The following ARHGAP15 variants were observed in gnomAD, a reference collection of about 807,000 sequenced individuals.
ARHGAP15 encodes the protein rho GTPase-activating protein 15.
In ARHGAP15, 51 loss-of-function variants were observed where a neutral mutation model predicts 63.7. That is an observed-to-expected ratio of 0.80 (90% CI 0.64 to 1.01). The LOEUF (loss-of-function observed/expected upper bound fraction) is 1.01. Ranked by LOEUF, ARHGAP15 falls within the 50% of genes least tolerant of loss-of-function variation. ARHGAP15 has a pLI of 0.00. For missense variants in ARHGAP15, 560 were observed against 564.6 expected, an observed-to-expected ratio of 0.99 and a Z score of 0.08; for synonymous variants, 191 against 193.8, an observed-to-expected ratio of 0.99 and a Z score of 0.12.
intron 5 of ARHGAP15, among the ~76,000 whole-genome samples, chr2:143,240,115 G>A (rs181988809): frequency 1.3e-4 from 19 of 149,826 alleles, no homozygotes; most frequent in African/African-American, 2.4e-4. Context: ...GTTTGAGGCC[G>A]CAGTGAGCTA....
chr2:143,688,914 G>C (rs902811455), intron 12 of ARHGAP15, among the ~76,000 whole-genome samples: 2 of 152,096 alleles, frequency 1.3e-5, no homozygotes, highest in East Asian at 1.9e-4. Flanking sequence ...AATATATCAA[G>C]ATAGTATACC....
chr2:143,745,478 C>A (rs906614168), intron 13 of ARHGAP15, among the ~76,000 whole-genome samples: 1 of 152,164 alleles, frequency 6.6e-6, no homozygotes, highest in Non-Finnish European at 1.5e-5. Flanking sequence ...TATAGACACA[C>A]CCTCATGCTT....
At chr2:143,139,608 T>A (rs1184737369) in intron 1 of ARHGAP15, among the ~76,000 whole-genome samples, 1 of 152,140 alleles carries the variant, frequency 6.6e-6, no homozygotes, top group Non-Finnish European at 1.5e-5. Context: ...GTTATTTTAC[T>A]TGGTAATTCT....
intron 6 of ARHGAP15, among the ~76,000 whole-genome samples, chr2:143,262,624 C>T (rs1680785949): frequency 6.8e-6 from 1 of 146,792 alleles, no homozygotes; most frequent in African/African-American, 2.5e-5. Flanking sequence ...AGATGTACCA[C>T]AAGACATCTC....
In ARHGAP15 at chr2:143,170,048, G is replaced by A. The variant is rs547398137; in HGVS notation, c.165+14393G>A. On this transcript the variant is annotated intron_variant, in intron 2 of 13. Transcript: ENST00000295095. Reference sequence around the variant, plus strand: ...TTGTCAGGCCTGGCTCTGTACCTTCGAGCTGCTCTGTGTGCCTCACTCTGC... The same window carrying A: ...TTGTCAGGCCTGGCTCTGTACCTTCAAGCTGCTCTGTGTGCCTCACTCTGC... Among the ~76,000 whole-genome samples, 114 of 150,326 alleles carry A rather than the reference G, an allele frequency of 7.6e-4. 1 individual carries two copies. The highest frequency in any genetic ancestry group is 2.5e-3 in the African/African-American group (105 of 41,362).
At chr2:143,233,120 C>T (rs72851537) in intron 5 of ARHGAP15, among the ~76,000 whole-genome samples, 5,693 of 152,168 alleles carry the variant, frequency 0.037, 157 homozygotes, top group Non-Finnish European at 0.056. Flanking sequence ...TTTAATATCA[C>T]CAGACATTAT....
intron 6 of ARHGAP15, among the ~76,000 whole-genome samples, chr2:143,337,971 C>A (rs138706588): frequency 4.2e-4 from 64 of 152,268 alleles, no homozygotes; most frequent in African/African-American, 1.5e-3. Flanking sequence ...AGGCATTACT[C>A]CTCCCTTTCA....
intron 11 of ARHGAP15, among the ~76,000 whole-genome samples, chr2:143,608,972 G>C (rs1268040847): frequency 6.6e-6 from 1 of 152,146 alleles, no homozygotes; most frequent in Non-Finnish European, 1.5e-5. Context: ...CTTGTCAATT[G>C]CTTTGTTGTG....
intron 12 of ARHGAP15, among the ~76,000 whole-genome samples, chr2:143,634,949 TC>T (rs1680228566): frequency 6.6e-6 from 1 of 152,058 alleles, no homozygotes; most frequent in Non-Finnish European, 1.5e-5. Context: ...TCTGTGATGT[TC>T]ACGGTGGCAC....
intron 6 of ARHGAP15, among the ~76,000 whole-genome samples, chr2:143,331,821 G>A (rs1227789477): frequency 1.3e-5 from 2 of 152,110 alleles, no homozygotes; most frequent in Non-Finnish European, 2.9e-5. Flanking sequence ...CCTGACCTCA[G>A]GTTTAACTTG....
intron 11 of ARHGAP15, among the ~76,000 whole-genome samples, chr2:143,619,819 C>A (rs953886804): frequency 1.3e-5 from 2 of 152,152 alleles, no homozygotes; most frequent in African/African-American, 4.8e-5. Flanking sequence ...TGCTGGCTTC[C>A]CCTTCACCTT....
chr2:143,592,499 A>G (rs1697359347), intron 11 of ARHGAP15, among the ~76,000 whole-genome samples: 2 of 152,208 alleles, frequency 1.3e-5, no homozygotes, highest in African/African-American at 4.8e-5. Context: ...ATTAGTTTCA[A>G]TGAATTCCAT....
At chr2:143,471,173 A>C (rs907539113) in intron 8 of ARHGAP15, among the ~76,000 whole-genome samples, 1 of 145,466 alleles carries the variant, frequency 6.9e-6, no homozygotes, top group African/African-American at 2.7e-5. Flanking sequence ...AGAGGATATG[A>C]ATATGTGTGT....
chr2:143,335,435 A>G (rs1331328469), intron 6 of ARHGAP15, among the ~76,000 whole-genome samples: 1 of 151,038 alleles, frequency 6.6e-6, no homozygotes, highest in East Asian at 2.0e-4. Context: ...CTAATCAGCT[A>G]AAGGGTGTCT....
chr2:143,432,189 G>T (rs1400455878), intron 6 of ARHGAP15, among the ~76,000 whole-genome samples: 1 of 151,824 alleles, frequency 6.6e-6, no homozygotes, highest in Non-Finnish European at 1.5e-5. Context: ...TTAGAAAAAA[G>T]AAGTTCTAAA....
At chr2:143,225,143 A>G (rs1693156070) in intron 4 of ARHGAP15, among the ~76,000 whole-genome samples, 1 of 152,104 alleles carries the variant, frequency 6.6e-6, no homozygotes, top group Non-Finnish European at 1.5e-5. Flanking sequence ...AATACTTCAT[A>G]ATTTTTGGAC....
intron 10 of ARHGAP15, among the ~76,000 whole-genome samples, chr2:143,535,951 T>A (rs999034914): frequency 6.6e-6 from 1 of 152,292 alleles, no homozygotes; most frequent in Non-Finnish European, 1.5e-5. Context: ...ATAATGTATG[T>A]TTTTTTCACA....
intron 2 of ARHGAP15, among the ~76,000 whole-genome samples, chr2:143,200,151 G>A (rs1692052538): frequency 6.6e-6 from 1 of 152,078 alleles, no homozygotes. Flanking sequence ...ACAGTCCCCG[G>A]CTCTCCTTTC....
chr2:143,274,910 C>T (rs1386054673), intron 6 of ARHGAP15, among the ~76,000 whole-genome samples: 1 of 151,938 alleles, frequency 6.6e-6, no homozygotes, highest in Non-Finnish European at 1.5e-5. Context: ...CAAACAAAAC[C>T]AGCACTTTGG....
Sources: gnomAD v4.1 joint callset for allele counts (sites outside exome capture counted in the v4.1 genomes callset) on GRCh38, gnomAD v4.1.1 for gene constraint, MANE v1.5 for transcripts, NCBI Gene and HGNC (gene_info 2026-07-23, HGNC 2026-07-21) for gene names.